Variants in CNTNAP2 observed in about 807,000 individuals in gnomAD.
CNTNAP2 encodes the protein contactin associated protein 2.
In CNTNAP2, 98 loss-of-function variants were observed where a neutral mutation model predicts 155.2. The ratio of observed to expected loss-of-function variants is 0.63; its 90% confidence interval spans 0.54 to 0.75. The LOEUF (loss-of-function observed/expected upper bound fraction) is 0.75, where lower values mean the gene tolerates loss of function less well. Among genes scored for constraint, CNTNAP2 ranks in the 30% least tolerant of loss-of-function variants. CNTNAP2 has a pLI of 0.00. For synonymous variants in CNTNAP2, 651 were observed against 631.2 expected (o/e 1.03, Z -0.47); for missense variants, 1,727 against 1,688.1 (o/e 1.02, Z -0.40).
At chr7:148,039,308 C>T (rs1207287611) in intron 15 of CNTNAP2, among the ~76,000 whole-genome samples, 1 of 151,896 alleles carries the variant, frequency 6.6e-6, no homozygotes, top group Non-Finnish European at 1.5e-5. Flanking sequence ...CTGGGAGAGA[C>T]AAAAAAAGAA....
chr7:148,084,542 TTTTC>T (rs909828754), intron 15 of CNTNAP2, among the ~76,000 whole-genome samples: 12 of 152,284 alleles, frequency 7.9e-5, no homozygotes, highest in Middle Eastern at 3.4e-3. Context: ...TTTCTTCCTT[TTTTC>T]TTTCTTTCTT....
intron 14 of CNTNAP2, among the ~76,000 whole-genome samples, chr7:147,911,540 T>C (rs919711828): frequency 2.0e-5 from 3 of 152,214 alleles, no homozygotes; most frequent in African/African-American, 7.2e-5. Context: ...CAGCTGCACG[T>C]GGCATAACTC....
chr7:146,970,420 C>A (rs541944075), intron 3 of CNTNAP2, among the ~76,000 whole-genome samples: 4 of 152,210 alleles, frequency 2.6e-5, no homozygotes, highest in Admixed American at 6.5e-5. Flanking sequence ...AGACACTTCT[C>A]AAAAGAAGAC....
At chr7:146,839,087 G>C (rs1585115995) in intron 2 of CNTNAP2, among the ~76,000 whole-genome samples, 4 of 152,062 alleles carry the variant, frequency 2.6e-5, no homozygotes, top group Admixed American at 2.6e-4. Context: ...ACTTTGTTTA[G>C]TATCTAATTT....
intron 1 of CNTNAP2, among the ~76,000 whole-genome samples, chr7:146,365,293 C>A (rs1281777099): frequency 6.6e-6 from 1 of 152,112 alleles, no homozygotes; most frequent in Non-Finnish European, 1.5e-5. Flanking sequence ...TCTCTAAGGA[C>A]CCTCAGCAGG....
intron 3 of CNTNAP2, among the ~76,000 whole-genome samples, chr7:146,923,565 G>A (rs989187583): frequency 6.6e-6 from 1 of 152,102 alleles, no homozygotes; most frequent in Non-Finnish European, 1.5e-5. Context: ...TGAGTTTGAG[G>A]AAAGAAAAAT....
intron 16 of CNTNAP2, among the ~76,000 whole-genome samples, chr7:148,131,998 TATAA>T (rs1484158890): frequency 5.9e-5 from 9 of 152,240 alleles, no homozygotes; most frequent in Non-Finnish European, 1.0e-4. Flanking sequence ...GCTAGGTTTC[TATAA>T]GCTATCAAAC....
chr7:147,906,983 C>T (rs934662979), intron 14 of CNTNAP2, among the ~76,000 whole-genome samples: 4 of 152,190 alleles, frequency 2.6e-5, no homozygotes, highest in African/African-American at 9.6e-5. Flanking sequence ...ACATCCCACT[C>T]CTTTGCTTCC....
intron 1 of CNTNAP2, among the ~76,000 whole-genome samples, chr7:146,762,301 C>T (rs1029470207): frequency 3.3e-5 from 5 of 152,014 alleles, no homozygotes; most frequent in African/African-American, 9.7e-5. Flanking sequence ...TACTGAAGCC[C>T]AGTTCCTAAG....
intron 2 of CNTNAP2, among the ~76,000 whole-genome samples, chr7:146,789,868 A>C (rs1467190038): frequency 6.7e-6 from 1 of 150,292 alleles, no homozygotes; most frequent in Non-Finnish European, 1.5e-5. Context: ...AACCTCAACC[A>C]CAAAATATAA....
chr7:147,771,963 C>A (rs1026506619), intron 13 of CNTNAP2, among the ~76,000 whole-genome samples: 1 of 151,796 alleles, frequency 6.6e-6, no homozygotes, highest in Non-Finnish European at 1.5e-5. Flanking sequence ...ACTAATTTAC[C>A]ATTCCCTTAT....
intron 21 of CNTNAP2, 23 bp downstream of exon 21, chr7:148,267,149 A>G (rs774980134): frequency 1.9e-6 from 3 of 1,571,508 alleles, no homozygotes; most frequent in Admixed American, 1.7e-5. Context: ...TTCGTTAGGT[A>G]TAAATGCGTG....
intron 13 of CNTNAP2, among the ~76,000 whole-genome samples, chr7:147,647,133 GCA>G (rs1272887759): frequency 2.0e-5 from 3 of 151,570 alleles, no homozygotes; most frequent in Admixed American, 1.3e-4. Flanking sequence ...GACTACAGGC[GCA>G]TGCTGCCACG....
chr7:148,353,465 G>T (rs560698566), intron 21 of CNTNAP2, among the ~76,000 whole-genome samples: 3 of 152,256 alleles, frequency 2.0e-5, no homozygotes, highest in Admixed American at 2.0e-4. Flanking sequence ...AACAAAGCAA[G>T]CTTTACTGTG....
chr7:147,499,956 A>G (rs914820927), intron 11 of CNTNAP2, among the ~76,000 whole-genome samples: 1 of 152,214 alleles, frequency 6.6e-6, no homozygotes, highest in Non-Finnish European at 1.5e-5. Context: ...GCAGCTTAGA[A>G]GAAGTAGAAA....
chr7:146,136,416 T>C (rs1275548570), intron 1 of CNTNAP2, among the ~76,000 whole-genome samples: 1 of 152,158 alleles, frequency 6.6e-6, no homozygotes, highest in Admixed American at 6.6e-5. Context: ...CATGAACATA[T>C]TTTATATCTT....
chr7:146,522,485 T>A (rs1450971803), intron 1 of CNTNAP2, among the ~76,000 whole-genome samples: 1 of 151,980 alleles, frequency 6.6e-6, no homozygotes, highest in Non-Finnish European at 1.5e-5. Context: ...CCAAAGGAAA[T>A]AGCAGAAATG....
At chr7:146,331,020 C>A (rs568507833) in intron 1 of CNTNAP2, among the ~76,000 whole-genome samples, 14 of 151,952 alleles carry the variant, frequency 9.2e-5, no homozygotes, top group Non-Finnish European at 1.6e-4. Context: ...AACCAACTAT[C>A]ATGGCCGGGC....
At chr7:148,353,881 A>G (rs1309155555) in intron 21 of CNTNAP2, among the ~76,000 whole-genome samples, 3 of 152,252 alleles carry the variant, frequency 2.0e-5, no homozygotes, top group Admixed American at 6.5e-5. Flanking sequence ...TTCCAATTTT[A>G]TATTCCATTA....
Sources: allele counts gnomAD v4.1 joint callset (sites outside exome capture counted in the v4.1 genomes callset), GRCh38; gene constraint gnomAD v4.1.1; transcripts MANE v1.5; gene names NCBI Gene and HGNC (gene_info 2026-07-23, HGNC 2026-07-21).